Variants in ASXL3 observed in about 807,000 individuals in gnomAD.
ASXL3 encodes putative Polycomb group protein ASXL3.
ASXL3 carries 34 observed loss-of-function variants against 170.6 expected under a neutral mutation model. The ratio of observed to expected loss-of-function variants is 0.20; its 90% CI spans 0.15 to 0.27. The LOEUF is 0.27. Among genes scored for constraint, ASXL3 ranks in the 10% least tolerant of loss-of-function variants. The pLI is 1.00. For synonymous variants in ASXL3, 1,002 were observed against 989.1 expected (o/e 1.01, Z -0.24); for missense variants, 2,592 against 2,695.3 (o/e 0.96, Z 0.85).
chr18:33,584,162 C>G (rs1192544363), intron 1 of ASXL3, among the ~76,000 whole-genome samples: 5 of 151,978 alleles, frequency 3.3e-5, no homozygotes, highest in South Asian at 2.1e-4. Flanking sequence ...GAAGAGAGAG[C>G]CTTCTAAGAA....
At position 33,644,890 on chromosome 18, in the gene ASXL3, C is replaced by A. The variant is rs771168125; in HGVS notation, c.138-4C>A. 2 of 1,542,656 alleles carry A rather than the reference C, an allele frequency of 1.3e-6. No homozygotes were observed. The highest frequency in any genetic ancestry group is 1.2e-5 in the South Asian group (1 of 83,216). On this transcript the variant is annotated splice_polypyrimidine_tract_variant and splice_region_variant and intron_variant, in intron 2 of 11. Transcript: ENST00000269197. Reference sequence around the variant, plus strand: ...CTTCATTTTTGCACACTTTTATTTTCTAGTGGAACCTCTCCATTAGCCTGT... The same window carrying A: ...CTTCATTTTTGCACACTTTTATTTTATAGTGGAACCTCTCCATTAGCCTGT...
intron 8 of ASXL3, among the ~76,000 whole-genome samples, chr18:33,695,224 T>G (rs1017546519): frequency 2.9e-4 from 44 of 152,154 alleles, no homozygotes; most frequent in African/African-American, 1.1e-3. Flanking sequence ...TCTTAAGCCT[T>G]TAGGTAAAAG....
At chr18:33,737,486 T>A (rs2067567912) in intron 10 of ASXL3, among the ~76,000 whole-genome samples, 2 of 152,172 alleles carry the variant, frequency 1.3e-5, no homozygotes, top group African/African-American at 4.8e-5. Flanking sequence ...GTAAATTATA[T>A]GATAGAAAAC....
At chr18:33,597,246 G>A (rs944538082) in intron 1 of ASXL3, among the ~76,000 whole-genome samples, 1 of 152,068 alleles carries the variant, frequency 6.6e-6, no homozygotes, top group African/African-American at 2.4e-5. Flanking sequence ...ATATGGCGGG[G>A]ATGTGGGTGG....
At chr18:33,606,149 A>G (rs547947006) in intron 1 of ASXL3, among the ~76,000 whole-genome samples, 125 of 151,026 alleles carry the variant, frequency 8.3e-4, no homozygotes, top group African/African-American at 2.9e-3. Flanking sequence ...CTTTTTTCCA[A>G]TATATTTATA....
Position 33,661,517 on chromosome 18 carries a change from T to C in ASXL3, c.356-99T>C, listed in dbSNP as rs551404486. 47 of 1,176,300 alleles carry C rather than the reference T, an allele frequency of 4.0e-5. 1 individual carries two copies. In the South Asian group the frequency reaches 6.6e-4, roughly 17 times the overall value. 72.9% of individuals were successfully genotyped at this position (1,176,300 alleles called of 1,614,324 possible). A position where few individuals can be genotyped will look rare whatever the true frequency, so the allele number is the denominator to read the frequency against. ...CTGTGCTATTTTGCTTTATTTTAGG[T>C]ATCCATTTTCAATTGCAGAAAAGCT... On this transcript the variant is annotated intron_variant, in intron 4 of 11. Coordinates refer to ENST00000269197, the MANE Select transcript of ASXL3 (RefSeq NM_030632.3).
intron 7 of ASXL3, among the ~76,000 whole-genome samples, chr18:33,677,396 TA>T (rs1257594625): frequency 6.6e-6 from 1 of 152,108 alleles, no homozygotes; most frequent in East Asian, 1.9e-4. Context: ...CCATTTTAAT[TA>T]AAAGTACAAA....
intron 4 of ASXL3, among the ~76,000 whole-genome samples, chr18:33,652,510 A>G (rs1429993638): frequency 6.7e-6 from 1 of 149,926 alleles, no homozygotes; most frequent in Admixed American, 6.8e-5. Context: ...ACAGAGATCA[A>G]AAAAGGTTCT....
intron 2 of ASXL3, among the ~76,000 whole-genome samples, chr18:33,632,863 C>T (rs2065700526): frequency 6.6e-6 from 1 of 152,166 alleles, no homozygotes. Flanking sequence ...TTAAAGTCCT[C>T]TGGGGCTCTC....
At chr18:33,706,747 T>C (rs1342745980) in intron 8 of ASXL3, among the ~76,000 whole-genome samples, 1 of 151,806 alleles carries the variant, frequency 6.6e-6, no homozygotes, top group Non-Finnish European at 1.5e-5. Context: ...TCAAATATAT[T>C]GTTGGTATCT....
intron 2 of ASXL3, among the ~76,000 whole-genome samples, chr18:33,640,046 C>T (rs1430825959): frequency 2.6e-5 from 4 of 151,998 alleles, no homozygotes; most frequent in Non-Finnish European, 5.9e-5. Context: ...AAATGTGACC[C>T]GTCTCTTATT....
rs767930445 is a variant in ASXL3 at position 33,661,598 on chromosome 18, A to C, written c.356-18A>C. 1.0e-4 allele frequency: 161 copies of C among 1,596,676 alleles called. 1 individual carries two copies. Among genetic ancestry groups the C allele is most frequent in the Non-Finnish European group, 1.2e-4 (142 of 1,170,542 alleles). ...AGGAATTCAAATTAGTAATATCATT[A>C]TCTCTCTCTGTTTCTAGTTTGTTCG... is the stretch of plus-strand genomic sequence containing the variant. On this transcript the variant is annotated intron_variant, in intron 4 of 11. Coordinates refer to ENST00000269197, the MANE Select transcript of ASXL3 (RefSeq NM_030632.3).
At chr18:33,742,813 A>G (rs1042348320) in intron 11 of ASXL3, 75 bp from the exon 12 acceptor site, 14 of 1,482,396 alleles carry the variant, frequency 9.4e-6, no homozygotes, top group African/African-American at 1.4e-5. Context: ...TTTCCCTTGC[A>G]TTATCACATT....
At chr18:33,740,777 A>G (rs2067648998) in intron 11 of ASXL3, among the ~76,000 whole-genome samples, 1 of 152,178 alleles carries the variant, frequency 6.6e-6, no homozygotes, top group African/African-American at 2.4e-5. Context: ...AATGTGAAAG[A>G]TAATTTAGTT....
In ASXL3 at chr18:33,589,046, T is replaced by C. The variant is rs567589349; in HGVS notation, c.54+10361T>C. ...TTATACATCCATTTCCACTGTCATT[T>C]ACCTTAATTCAGGCTGTTATATGGG... is the stretch of plus-strand genomic sequence containing the variant. On this transcript the variant is annotated intron_variant, in intron 1 of 11. Coordinates refer to ENST00000269197, the MANE Select transcript of ASXL3 (RefSeq NM_030632.3). 3.9e-5 allele frequency among the ~76,000 whole-genome samples: 6 copies of C among 152,328 alleles called. No homozygotes were observed. The East Asian group carries it at 9.7e-4, about 25-fold the overall frequency.
At chr18:33,713,248 GTTTT>G (rs1226619353) in intron 8 of ASXL3, among the ~76,000 whole-genome samples, 3 of 65,084 alleles carry the variant, frequency 4.6e-5, no homozygotes, top group African/African-American at 1.2e-4. Context: ...GTTTTGTTTT[GTTTT>G]TTTTTTTTTT....
chr18:33,641,107 T>C (rs1215672044), intron 2 of ASXL3, among the ~76,000 whole-genome samples: 1 of 152,134 alleles, frequency 6.6e-6, no homozygotes, highest in African/African-American at 2.4e-5. Flanking sequence ...TCCCCAGGTA[T>C]TCTGTCTAGT....
At chr18:33,663,310 A>G (rs1404622398) in intron 5 of ASXL3, among the ~76,000 whole-genome samples, 1 of 152,168 alleles carries the variant, frequency 6.6e-6, no homozygotes, top group Non-Finnish European at 1.5e-5. Context: ...TGAAACTCAT[A>G]CTTCTGAGGT....
At position 33,743,795 on chromosome 18, in the gene ASXL3, G is replaced by A. The variant is rs779553981; in HGVS notation, c.3947G>A (p.Ser1316Asn). 6.2e-7 allele frequency: 1 copy of A among 1,613,972 alleles called. No homozygotes were observed. The highest frequency in any genetic ancestry group is 1.7e-5 in the Admixed American group (1 of 60,030). The stretch of plus-strand genomic sequence containing the variant: ...ACTACAGAGGGCTCCAGCATATCAA[G>A]CTCCATGGATGATAAGCAGTTACTA... ...SATTEGSSIS[S>N]SMDDKQLLIS... is the part of the protein sequence containing the mutation. The change falls in exon 12 of 12, where the codon AGC becomes AAC. Residue 1316 changes from serine (S) to asparagine (N), a missense_variant. Physicochemically the swap from Ser to Asn is conservative, Grantham distance 46. Around this residue, in one of 4 missense-constraint regions of ASXL3, gnomAD observed 2,246 missense variants for 2,219.6 expected, o/e 1.01. Coordinates refer to ENST00000269197, the MANE Select transcript of ASXL3 (RefSeq NM_030632.3).
Sources: allele counts gnomAD v4.1 joint callset (sites outside exome capture counted in the v4.1 genomes callset), GRCh38; gene constraint gnomAD v4.1.1; regional missense constraint gnomAD v4.1.1; transcripts MANE v1.5; gene names NCBI Gene and HGNC (gene_info 2026-07-23, HGNC 2026-07-21).